SDK1: variants seen among roughly 807,000 people sequenced by gnomAD.
SDK1 encodes the protein sidekick cell adhesion molecule 1.
Under a neutral mutation model 245.5 loss-of-function variants are expected in SDK1, and 157 were observed. The observed-to-expected ratio is 0.64, with a 90% CI of 0.56 to 0.73. SDK1 has a LOEUF of 0.73. Ranked by LOEUF, SDK1 falls within the 30% of genes least tolerant of loss-of-function variation. The pLI is 0.00. For missense variants in SDK1, 3,583 were observed against 3,002.3 expected, an observed-to-expected ratio of 1.19 and a Z score of -4.52; for synonymous variants, 1,647 against 1,278.5, an observed-to-expected ratio of 1.29 and a Z score of -6.15.
At chr7:4,096,412 G>A (rs951529598) in intron 22 of SDK1, among the ~76,000 whole-genome samples, 2 of 152,114 alleles carry the variant, frequency 1.3e-5, no homozygotes, top group African/African-American at 4.8e-5. Context: ...GGTTGTTAGG[G>A]GTGTGGGGGA....
chr7:4,053,971 C>A (rs1449339519), intron 19 of SDK1, among the ~76,000 whole-genome samples: 1 of 151,930 alleles, frequency 6.6e-6, no homozygotes, highest in African/African-American at 2.4e-5. Context: ...CAGAATCTTG[C>A]TCTGTTGCCC....
intron 5 of SDK1, among the ~76,000 whole-genome samples, chr7:3,918,054 G>A (rs989805685): frequency 6.6e-6 from 1 of 152,164 alleles, no homozygotes; most frequent in Non-Finnish European, 1.5e-5. Context: ...TCCCCTTCTA[G>A]GTAGACAAAA....
intron 4 of SDK1, among the ~76,000 whole-genome samples, chr7:3,820,437 T>C (rs1443184225): frequency 6.6e-6 from 1 of 152,188 alleles, no homozygotes; most frequent in Non-Finnish European, 1.5e-5. Flanking sequence ...TGTGAGCCAC[T>C]GCGCTCAGCC....
intron 1 of SDK1, among the ~76,000 whole-genome samples, chr7:3,401,494 C>T (rs1053793051): frequency 4.6e-5 from 7 of 152,118 alleles, no homozygotes; most frequent in Admixed American, 2.6e-4. Flanking sequence ...ATGTATGGAA[C>T]CCATAGGACT....
At chr7:3,582,258 GCCTCAGGTAGGTCTC>G (rs1562579689) in intron 1 of SDK1, among the ~76,000 whole-genome samples, 5 of 142,104 alleles carry the variant, frequency 3.5e-5, no homozygotes, top group South Asian at 2.3e-4. Context: ...AGGTAGGTCT[GCCTCAGGTAGGTCTC>G]CCTCAGGTAG....
chr7:3,487,286 A>G (rs1781729713), intron 1 of SDK1, among the ~76,000 whole-genome samples: 2 of 152,176 alleles, frequency 1.3e-5, no homozygotes, highest in South Asian at 4.1e-4. Flanking sequence ...AAAAACATAC[A>G]ACTTTACCCA....
chr7:3,378,542 G>A (rs1319757844), intron 1 of SDK1, among the ~76,000 whole-genome samples: 3 of 152,118 alleles, frequency 2.0e-5, no homozygotes, highest in South Asian at 4.1e-4. Context: ...AGGTCGGGCA[G>A]GGATTTGGAT....
Position 3,951,871 on chromosome 7 carries a change from G to A in SDK1, c.1101G>A (p.Pro367=), listed in dbSNP as rs762957352. 2.9e-5 allele frequency: 47 copies of A among 1,613,664 alleles called. No individual in the cohort carries two copies. In the Middle Eastern group the frequency reaches 8.2e-4, roughly 28 times the overall value. The change falls in exon 7 of 45, where the codon CCG becomes CCA. Residue 367 remains proline, a synonymous_variant. Transcript: ENST00000404826. ...CATACGTCTGCGAGGCGGCGCTGCCGGGGAGCGCTTTTGAACCGGCCAGGG... is the reference window on the plus strand; with the variant it reads ...CATACGTCTGCGAGGCGGCGCTGCCAGGGAGCGCTTTTGAACCGGCCAGGG... The part of the protein sequence containing the change: ...TGPYVCEAAL[P]GSAFEPARAT...
chr7:3,471,140 T>C (rs1781170451), intron 1 of SDK1, among the ~76,000 whole-genome samples: 1 of 152,194 alleles, frequency 6.6e-6, no homozygotes, highest in Admixed American at 6.5e-5. Context: ...TTTCCTTAAT[T>C]AGTTTAGGAA....
At chr7:3,445,978 T>G (rs1780330481) in intron 1 of SDK1, among the ~76,000 whole-genome samples, 2 of 152,110 alleles carry the variant, frequency 1.3e-5, no homozygotes, top group Admixed American at 1.3e-4. Context: ...ACTGAGAATG[T>G]CTTAATTTTT....
chr7:3,951,252 C>A (rs1412943049), intron 6 of SDK1, among the ~76,000 whole-genome samples: 1 of 151,988 alleles, frequency 6.6e-6, no homozygotes. Context: ...GCTTTCAATG[C>A]AGCTCTGGGT....
Position 3,833,927 on chromosome 7 carries a change from G to C in SDK1, c.847+12344G>C, listed in dbSNP as rs7810835. Among the ~76,000 whole-genome samples, 1,177 of 152,248 alleles carry C rather than the reference G, an allele frequency of 7.7e-3. 14 individuals carry two copies. The highest frequency in any genetic ancestry group is 0.026 in the African/African-American group (1,097 of 41,542). On this transcript the variant is annotated intron_variant, in intron 5 of 44. Transcript: ENST00000404826. ...TTTGCACTTGAAGGATGGATATTAAGCCATGTTGCCCCCACTGGCCTCCAT... is the reference window on the plus strand; with the variant it reads ...TTTGCACTTGAAGGATGGATATTAACCCATGTTGCCCCCACTGGCCTCCAT...
intron 5 of SDK1, among the ~76,000 whole-genome samples, chr7:3,931,738 C>T (rs576401995): frequency 6.6e-6 from 1 of 152,220 alleles, no homozygotes; most frequent in East Asian, 1.9e-4. Flanking sequence ...TTTCCCTCTC[C>T]GTGCCGACTT....
intron 1 of SDK1, among the ~76,000 whole-genome samples, chr7:3,580,470 G>A (rs1583189887): frequency 6.6e-6 from 1 of 152,072 alleles, no homozygotes; most frequent in African/African-American, 2.4e-5. Context: ...ACAGAATAGA[G>A]TACCCACAGA....
chr7:4,220,969 G>C (rs950770700), intron 39 of SDK1, among the ~76,000 whole-genome samples: 7 of 149,488 alleles, frequency 4.7e-5, no homozygotes, highest in African/African-American at 1.7e-4. Flanking sequence ...GTATTTTGTA[G>C]AGACAAGTTT....
intron 5 of SDK1, among the ~76,000 whole-genome samples, chr7:3,838,903 C>A (rs1780090513): frequency 6.6e-6 from 1 of 152,200 alleles, no homozygotes; most frequent in African/African-American, 2.4e-5. Context: ...GTGTCTCTGA[C>A]TGCCCCATCA....
At chr7:3,841,054 C>T (rs1780144678) in intron 5 of SDK1, among the ~76,000 whole-genome samples, 8 of 152,196 alleles carry the variant, frequency 5.3e-5, no homozygotes, top group Admixed American at 5.2e-4. Context: ...CTCATCACAG[C>T]CTCACTTGTC....
At chr7:3,678,587 A>G (rs951531618) in intron 4 of SDK1, among the ~76,000 whole-genome samples, 2 of 152,236 alleles carry the variant, frequency 1.3e-5, no homozygotes, top group African/African-American at 4.8e-5. Flanking sequence ...GCAAATTCAT[A>G]AAGTCGGAAA....
chr7:3,652,595 A>G (rs902959967), intron 4 of SDK1, among the ~76,000 whole-genome samples: 4 of 152,176 alleles, frequency 2.6e-5, no homozygotes, highest in Non-Finnish European at 5.9e-5. Flanking sequence ...GTTTAGAGTG[A>G]GGGCTGGTGT....
Sources: allele counts gnomAD v4.1 joint callset (sites outside exome capture counted in the v4.1 genomes callset), GRCh38; gene constraint gnomAD v4.1.1; transcripts MANE v1.5; gene names NCBI Gene and HGNC (gene_info 2026-07-23, HGNC 2026-07-21).